ZDHHC2: variants seen among roughly 807,000 people sequenced by gnomAD.
The protein encoded by ZDHHC2 is zDHHC palmitoyltransferase 2.
Under a neutral mutation model 55.6 loss-of-function variants are expected in ZDHHC2, and 51 were observed. The ratio of observed to expected loss-of-function variants is 0.92; its 90% CI spans 0.73 to 1.16. The LOEUF is 1.16. Among genes scored for constraint, ZDHHC2 ranks in the 50% most tolerant of loss-of-function variants. The pLI, the probability that ZDHHC2 is intolerant of heterozygous loss-of-function variation, is 0.00. For missense variants in ZDHHC2, 491 were observed against 442.4 expected, an observed-to-expected ratio of 1.11 and a Z score of -0.99; for synonymous variants, 199 against 152.9, an observed-to-expected ratio of 1.30 and a Z score of -2.22.
chr8:17,198,672 T>C (rs1033590952), intron 6 of ZDHHC2, among the ~76,000 whole-genome samples: 1 of 152,238 alleles, frequency 6.6e-6, no homozygotes, highest in Non-Finnish European at 1.5e-5. Context: ...GGATTTTGTT[T>C]GTATGCATGT....
rs1806826857 is a variant in ZDHHC2 at position 17,202,289 on chromosome 8, T to G, written c.477-3366T>G. Reference sequence around the variant, plus strand: ...AGGCTGGAGTGCAGTGGCACGATCTTGGCTCACTACAACCTCCACCTCCTG... The same window carrying G: ...AGGCTGGAGTGCAGTGGCACGATCTGGGCTCACTACAACCTCCACCTCCTG... On this transcript the variant is annotated intron_variant, in intron 6 of 12. Coordinates refer to ENST00000262096, the MANE Select transcript of ZDHHC2 (RefSeq NM_016353.5). 2.6e-5 allele frequency among the ~76,000 whole-genome samples: 3 copies of G among 116,412 alleles called. No homozygotes were observed. In the Admixed American group the frequency reaches 2.7e-4, roughly 10 times the overall value. The allele number at this position is 116,412 out of a possible 152,430, so 76.4% of individuals were successfully genotyped here. A position where few individuals can be genotyped will look rare whatever the true frequency, so the allele number is the denominator to read the frequency against.
chr8:17,159,802 C>G (rs995913669), intron 1 of ZDHHC2, among the ~76,000 whole-genome samples: 4 of 152,188 alleles, frequency 2.6e-5, no homozygotes, highest in Admixed American at 6.5e-5. Flanking sequence ...CCACGTTTAT[C>G]TCGTTTGTTG....
At chr8:17,167,876 A>C (rs1418783563) in intron 1 of ZDHHC2, among the ~76,000 whole-genome samples, 1 of 118,140 alleles carries the variant, frequency 8.5e-6, no homozygotes, top group Non-Finnish European at 2.0e-5. Context: ...ATTTGCAGGA[A>C]ACACTCCAAC....
At chr8:17,167,742 G>A (rs1353822448) in intron 1 of ZDHHC2, among the ~76,000 whole-genome samples, 1 of 152,106 alleles carries the variant, frequency 6.6e-6, no homozygotes, top group African/African-American at 2.4e-5. Flanking sequence ...TAAATTATAT[G>A]TGTAATAGAG....
intron 7 of ZDHHC2, among the ~76,000 whole-genome samples, chr8:17,206,644 A>G (rs965283353): frequency 6.6e-6 from 1 of 152,184 alleles, no homozygotes; most frequent in Non-Finnish European, 1.5e-5. Flanking sequence ...CTGAATTTTT[A>G]TTCGGTATTT....
At chr8:17,219,483 G>C (rs539599870) in intron 12 of ZDHHC2, among the ~76,000 whole-genome samples, 1 of 151,984 alleles carries the variant, frequency 6.6e-6, no homozygotes, top group African/African-American at 2.4e-5. Flanking sequence ...CTGGCCAGGC[G>C]TGGTGGCTCA....
intron 5 of ZDHHC2, 139 bp from the exon 6 acceptor site, chr8:17,198,242 C>T (rs949338217): frequency 4.4e-6 from 3 of 688,100 alleles, no homozygotes; most frequent in Non-Finnish European, 4.5e-6. Context: ...TGCTATTATC[C>T]AATTTTTAGA....
At chr8:17,191,983 T>C (rs1806054689) in intron 3 of ZDHHC2, among the ~76,000 whole-genome samples, 1 of 152,130 alleles carries the variant, frequency 6.6e-6, no homozygotes, top group African/African-American at 2.4e-5. Flanking sequence ...GCCTTTATTT[T>C]ACTTTATTGG....
Position 17,210,490 on chromosome 8 carries a change from TA to T in ZDHHC2, c.950+11del, listed in dbSNP as rs1210759123. The T allele has an allele frequency of 6.3e-7, 1 of 1,595,352 alleles. No homozygotes were observed. Among genetic ancestry groups the T allele is most frequent in the Non-Finnish European group, 8.5e-7 (1 of 1,172,220 alleles). ...ATTCCACAGCTAAAAAGTAATCTCA[TA>T]TTTTTTTTCATTTTACTTTCAAATA... is the stretch of plus-strand genomic sequence containing the variant. On this transcript the variant is annotated intron_variant, in intron 10 of 12. Coordinates refer to ENST00000262096, the MANE Select transcript of ZDHHC2 (RefSeq NM_016353.5).
Position 17,191,830 on chromosome 8 carries a change from A to C in ZDHHC2, c.253-3674A>C, listed in dbSNP as rs117627621. Among the ~76,000 whole-genome samples the C allele has an allele frequency of 6.9e-3, 1,054 of 152,262 alleles. 2 individuals carry two copies. The highest frequency in any genetic ancestry group is 0.011 in the Non-Finnish European group (762 of 68,012). On this transcript the variant is annotated intron_variant, in intron 3 of 12. Coordinates refer to ENST00000262096, the MANE Select transcript of ZDHHC2 (RefSeq NM_016353.5). ...TACTTGTTTCCTTTCTTTTGGGTAT[A>C]TACTCACAGTAGAATTGCTGGGTCA...
intron 3 of ZDHHC2, among the ~76,000 whole-genome samples, chr8:17,192,219 C>T (rs1009652939): frequency 2.6e-5 from 4 of 152,148 alleles, no homozygotes; most frequent in Non-Finnish European, 2.9e-5. Context: ...CTCCTGGGCT[C>T]GAATGGTCCT....
intron 1 of ZDHHC2, among the ~76,000 whole-genome samples, chr8:17,172,415 C>T (rs1490712134): frequency 6.6e-6 from 1 of 152,124 alleles, no homozygotes; most frequent in African/African-American, 2.4e-5. Context: ...TGGTGGTTGC[C>T]AGGGGCTGAA....
chr8:17,219,159 A>C (rs1413117905), intron 12 of ZDHHC2, among the ~76,000 whole-genome samples: 2 of 142,476 alleles, frequency 1.4e-5, no homozygotes, highest in Admixed American at 7.5e-5. Flanking sequence ...CTGAGGCAGG[A>C]GAATTGCTTG....
At chr8:17,193,517 G>A (rs746604794) in intron 3 of ZDHHC2, among the ~76,000 whole-genome samples, 2 of 152,180 alleles carry the variant, frequency 1.3e-5, no homozygotes, top group Non-Finnish European at 1.5e-5. Flanking sequence ...CTCGCCCAAG[G>A]CCCATTATGT....
intron 12 of ZDHHC2, among the ~76,000 whole-genome samples, chr8:17,220,038 T>G (rs1447117110): frequency 1.3e-5 from 2 of 152,162 alleles, no homozygotes; most frequent in Non-Finnish European, 2.9e-5. Context: ...CTGCAATTTT[T>G]TTTTTTGCAT....
intron 3 of ZDHHC2, 145 bp from the exon 4 acceptor site, chr8:17,195,359 G>T: frequency 1.1e-6 from 1 of 885,730 alleles, no homozygotes; most frequent in East Asian, 2.8e-5. Context: ...GAACAGACTT[G>T]CCCACGTTTC....
At chr8:17,203,341 C>A (rs1396129393) in intron 6 of ZDHHC2, among the ~76,000 whole-genome samples, 1 of 152,106 alleles carries the variant, frequency 6.6e-6, no homozygotes, top group Non-Finnish European at 1.5e-5. Flanking sequence ...AGTGCTTCTC[C>A]TGCCTCTGCC....
intron 6 of ZDHHC2, among the ~76,000 whole-genome samples, 172 bp downstream of exon 6, chr8:17,198,585 G>A (rs1414049080): frequency 6.6e-6 from 1 of 152,060 alleles, no homozygotes; most frequent in Non-Finnish European, 1.5e-5. Context: ...TTTATTTAGG[G>A]GAGTTTCCAT....
rs1808005582 is a variant in ZDHHC2, at chr8:17,223,585, T to TA, written c.*3365dup. On this transcript the variant is annotated 3_prime_UTR_variant, in exon 13 of 13. Coordinates refer to ENST00000262096, the MANE Select transcript of ZDHHC2 (RefSeq NM_016353.5). Reference sequence around the variant, plus strand: ...AGACTATGTTACATACCTGAAGTATTACTCTTTTACAAAGATACCATTAGA... The same window carrying TA: ...AGACTATGTTACATACCTGAAGTATTAACTCTTTTACAAAGATACCATTAGA... The TA allele has an allele frequency of 1.3e-5, 2 of 151,882 alleles. No individual in the cohort carries two copies. The highest frequency in any genetic ancestry group is 4.8e-5 in the African/African-American group (2 of 41,438). The allele number at this position is 151,882 out of a possible 1,614,324, so 9.4% of individuals were successfully genotyped here. A position where few individuals can be genotyped will look rare whatever the true frequency, so the allele number is the denominator to read the frequency against.
Sources: gnomAD v4.1 joint callset for allele counts (sites outside exome capture counted in the v4.1 genomes callset) on GRCh38, gnomAD v4.1.1 for gene constraint, MANE v1.5 for transcripts, NCBI Gene and HGNC (gene_info 2026-07-23, HGNC 2026-07-21) for gene names.